Variants in RHPN2 observed in about 807,000 individuals in gnomAD.
RHPN2 encodes the protein rhophilin-2.
Under a neutral mutation model 79.0 loss-of-function variants are expected in RHPN2, and 40 were observed. That is an observed-to-expected ratio of 0.51 (90% CI 0.39 to 0.66). The LOEUF (loss-of-function observed/expected upper bound fraction) is 0.66. RHPN2 is among the 30% of genes least tolerant of loss of function. The pLI is 0.00. For synonymous variants in RHPN2, 285 were observed against 363.5 expected (o/e 0.78, Z 2.46); for missense variants, 686 against 883.5 (o/e 0.78, Z 2.83).
Position 33,064,859 on chromosome 19 carries a change from G to C in RHPN2, c.-7C>G, listed in dbSNP as rs964090221. 4.8e-5 allele frequency: 72 copies of C among 1,503,184 alleles called. No homozygotes were observed. The highest frequency in any genetic ancestry group is 4.7e-4 in the African/African-American group (32 of 68,804). The allele number at this position is 1,503,184 out of a possible 1,614,324, so 93.1% of individuals were successfully genotyped here. ...GCAACAGCGCGTCGGTCATGCTAGCGGCGCGGGCGCGGAGGGCGGACGGCG... is the reference window on the plus strand; with the variant it reads ...GCAACAGCGCGTCGGTCATGCTAGCCGCGCGGGCGCGGAGGGCGGACGGCG... On this transcript the variant is annotated 5_prime_UTR_variant, in exon 1 of 15. Transcript: ENST00000254260.
intron 2 of RHPN2, among the ~76,000 whole-genome samples, chr19:33,033,591 G>A (rs770565392): frequency 3.3e-5 from 5 of 149,392 alleles, no homozygotes; most frequent in Admixed American, 6.7e-5. Flanking sequence ...AAAATAGGCC[G>A]GGCACAGTGG....
intron 2 of RHPN2, chr19:33,027,115 C>A: frequency 3.9e-6 from 1 of 258,240 alleles, no homozygotes. Context: ...CAAAAACTAG[C>A]TGGGTGTGGT....
chr19:33,028,331 T>C (rs1374065451), intron 2 of RHPN2, among the ~76,000 whole-genome samples: 2 of 152,072 alleles, frequency 1.3e-5, no homozygotes, highest in Non-Finnish European at 2.9e-5. Context: ...AATTTTTGTG[T>C]TTCTTTGTAG....
intron 1 of RHPN2, among the ~76,000 whole-genome samples, chr19:33,059,971 C>T (rs564406153): frequency 6.6e-6 from 1 of 152,174 alleles, no homozygotes; most frequent in South Asian, 2.1e-4. Context: ...TTGGTGCCAC[C>T]CAAAACTGCA....
At position 33,002,385 on chromosome 19, in the gene RHPN2, G is replaced by A. The variant is rs1307735751; in HGVS notation, c.967C>T (p.Gln323Ter). The A allele has an allele frequency of 7.4e-6, 12 of 1,613,814 alleles. No individual in the cohort carries two copies. In the Middle Eastern group the frequency reaches 6.6e-4, roughly 89 times the overall value. ...EAAKVGEVYQ[Q>*]LHAAMSQAPV... ...GCCTGGCTCATGGCTGCGTGTAGCT[G>A]TTGGTAGACCTCTCCCACCTGAAAT... The change falls in exon 9 of 15, where the codon CAG (glutamine) becomes TAG (stop). Residue 323 changes from glutamine (Q) to a stop codon, truncating the protein, a stop_gained. Transcript: ENST00000254260. LOFTEE classifies it high-confidence loss of function.
intron 14 of RHPN2, among the ~76,000 whole-genome samples, chr19:32,983,912 C>G (rs1971596573): frequency 6.6e-6 from 1 of 152,184 alleles, no homozygotes; most frequent in Admixed American, 6.5e-5. Flanking sequence ...CAGGCGTGAG[C>G]CACTGTGCCC....
chr19:33,040,720 T>C (rs1972094263), intron 2 of RHPN2, among the ~76,000 whole-genome samples: 2 of 152,074 alleles, frequency 1.3e-5, no homozygotes, highest in South Asian at 4.1e-4. Context: ...TTTGGGAGGC[T>C]GAGGCAGGCA....
At chr19:32,983,404 TG>T (rs1971592386) in intron 14 of RHPN2, among the ~76,000 whole-genome samples, 1 of 151,434 alleles carries the variant, frequency 6.6e-6, no homozygotes, top group Non-Finnish European at 1.5e-5. Flanking sequence ...CCCAGTTACT[TG>T]GGAGGCTGAG....
chr19:33,012,619 C>T (rs1447397717), intron 5 of RHPN2, 28 bp downstream of exon 5: 1 of 1,458,416 alleles, frequency 6.9e-7, no homozygotes, highest in Non-Finnish European at 9.6e-7. Context: ...AAGCCACCCT[C>T]CCCTCTCTGC....
At chr19:33,050,853 G>T (rs138581181) in intron 1 of RHPN2, among the ~76,000 whole-genome samples, 1 of 151,644 alleles carries the variant, frequency 6.6e-6, no homozygotes. Context: ...TAATTTGTGT[G>T]TTCCTTTTTT....
intron 1 of RHPN2, among the ~76,000 whole-genome samples, chr19:33,056,147 T>C (rs1383404325): frequency 8.8e-6 from 1 of 113,458 alleles, no homozygotes; most frequent in Non-Finnish European, 1.6e-5. Context: ...AGTTTTTTGC[T>C]CGTTGCCCTG....
At chr19:32,997,706 G>A (rs1313626189) in intron 10 of RHPN2, among the ~76,000 whole-genome samples, 2 of 152,108 alleles carry the variant, frequency 1.3e-5, no homozygotes, top group Non-Finnish European at 2.9e-5. Flanking sequence ...GCCCAGGCTG[G>A]TCTCAAACTC....
chr19:33,058,076 C>T (rs1208153519), intron 1 of RHPN2, among the ~76,000 whole-genome samples: 1 of 152,154 alleles, frequency 6.6e-6, no homozygotes, highest in Non-Finnish European at 1.5e-5. Context: ...AGGAGTATTG[C>T]TTGAACCCCG....
chr19:33,062,322 G>A (rs12979164), intron 1 of RHPN2, among the ~76,000 whole-genome samples: 4 of 151,732 alleles, frequency 2.6e-5, no homozygotes, highest in Non-Finnish European at 5.9e-5. Flanking sequence ...TTAGCCAGGC[G>A]TGGTTGATAT....
intron 2 of RHPN2, among the ~76,000 whole-genome samples, chr19:33,038,470 ATTTT>A (rs1229027981): frequency 1.3e-5 from 2 of 151,836 alleles, no homozygotes; most frequent in African/African-American, 4.8e-5. Flanking sequence ...AAATATAAAA[ATTTT>A]ATTTATTTAT....
At chr19:33,033,684 C>T (rs907770919) in intron 2 of RHPN2, among the ~76,000 whole-genome samples, 5 of 151,926 alleles carry the variant, frequency 3.3e-5, no homozygotes, top group Admixed American at 1.3e-4. Context: ...GCCTGACCAA[C>T]GTGGAGAAAT....
At chr19:32,982,012 G>T (rs1346689657) in intron 14 of RHPN2, among the ~76,000 whole-genome samples, 1 of 152,064 alleles carries the variant, frequency 6.6e-6, no homozygotes, top group African/African-American at 2.4e-5. Flanking sequence ...CATTGAGATT[G>T]TTTAGTTCGC....
chr19:33,039,559 C>T (rs1443846455), intron 2 of RHPN2, among the ~76,000 whole-genome samples: 1 of 152,126 alleles, frequency 6.6e-6, no homozygotes, highest in Non-Finnish European at 1.5e-5. Flanking sequence ...AACAATCGGC[C>T]AGGCACAGTG....
At chr19:33,007,173 G>T (rs904739798) in intron 7 of RHPN2, among the ~76,000 whole-genome samples, 2 of 152,088 alleles carry the variant, frequency 1.3e-5, no homozygotes, top group African/African-American at 4.8e-5. Flanking sequence ...TGGAGAAGTT[G>T]GCAGAATGCA....
Sources: allele counts gnomAD v4.1 joint callset (sites outside exome capture counted in the v4.1 genomes callset), GRCh38; gene constraint gnomAD v4.1.1; transcripts MANE v1.5; gene names NCBI Gene and HGNC (gene_info 2026-07-23, HGNC 2026-07-21).